ADGRL2: variants seen among roughly 807,000 people sequenced by gnomAD.
ADGRL2 encodes adhesion G protein-coupled receptor L2.
A neutral mutation model predicts 157.4 loss-of-function variants in ADGRL2; 44 were observed. The ratio of observed to expected loss-of-function variants is 0.28; its 90% CI spans 0.22 to 0.36. ADGRL2 has a LOEUF of 0.36. Ranked by LOEUF, ADGRL2 falls within the 10% of genes least tolerant of loss-of-function variation. The pLI, the probability that ADGRL2 is intolerant of heterozygous loss-of-function variation, is 1.00. For synonymous variants in ADGRL2, 585 were observed against 624.7 expected (o/e 0.94, Z 0.95); for missense variants, 1,510 against 1,768.9 (o/e 0.85, Z 2.63).
intron 1 of ADGRL2, among the ~76,000 whole-genome samples, chr1:81,375,086 C>T (rs1250890561): frequency 2.0e-5 from 3 of 152,136 alleles, no homozygotes; most frequent in African/African-American, 7.2e-5. Flanking sequence ...AGTTTTCTGG[C>T]CCACAGAAAT....
chr1:81,370,695 C>T (rs2076147366), intron 1 of ADGRL2, among the ~76,000 whole-genome samples: 1 of 152,092 alleles, frequency 6.6e-6, no homozygotes, highest in African/African-American at 2.4e-5. Flanking sequence ...CAGAGTACTT[C>T]AGAAATTTTG....
chr1:81,798,056 G>A (rs959227820), upstream of ADGRL2, among the ~76,000 whole-genome samples: 4 of 152,138 alleles, frequency 2.6e-5, no homozygotes, highest in African/African-American at 9.7e-5. Context: ...TATAGATTGA[G>A]TAATTAAATT....
rs1290659850 is a variant in ADGRL2 at position 81,956,018 on chromosome 1, C to G, written c.1975C>G (p.Leu659Val). 2 of 1,610,478 alleles carry G rather than the reference C, an allele frequency of 1.2e-6. No individual in the cohort carries two copies. Among genetic ancestry groups the G allele is most frequent in the Non-Finnish European group, 1.7e-6 (2 of 1,178,540 alleles). ...EEGAFVLADNLLEPTRVSMPT... is the reference protein window; with the variant it reads ...EEGAFVLADNVLEPTRVSMPT... ...AGGAGCTTTTGTCCTAGCTGACAAT[C>G]TTTTAGAACCAACAAGGGTCTCAAT... The change falls in exon 11 of 24, where the codon CTT (leucine) becomes GTT (valine). Residue 659 changes from leucine (L) to valine (V), a missense_variant. Physicochemically the swap from Leu to Val is conservative, Grantham distance 32. Transcript: ENST00000686636.
At chr1:81,854,507 T>C (rs2093133433) in intron 2 of ADGRL2, among the ~76,000 whole-genome samples, 1 of 152,206 alleles carries the variant, frequency 6.6e-6, no homozygotes, top group African/African-American at 2.4e-5. Context: ...TCTTGCTTAT[T>C]ATAAAATTGG....
chr1:81,850,778 C>T (rs1418530074), intron 2 of ADGRL2, among the ~76,000 whole-genome samples: 1 of 151,832 alleles, frequency 6.6e-6, no homozygotes, highest in Non-Finnish European at 1.5e-5. Context: ...TTTTATTGGT[C>T]AGAGCAATTT....
intron 1 of ADGRL2, among the ~76,000 whole-genome samples, chr1:81,437,545 C>T (rs1355640702): frequency 6.6e-6 from 1 of 152,176 alleles, no homozygotes; most frequent in Admixed American, 6.5e-5. Flanking sequence ...AGTCATTCAT[C>T]CTGTTGGATG....
intron 1 of ADGRL2, among the ~76,000 whole-genome samples, chr1:81,397,477 G>A (rs531644514): frequency 4.0e-5 from 6 of 151,670 alleles, no homozygotes; most frequent in East Asian, 2.0e-4. Flanking sequence ...CCGCCACCAC[G>A]CCAGACTAAT....
At chr1:81,788,555 G>A (rs2087170141) in intron 2 of ADGRL2, among the ~76,000 whole-genome samples, 2 of 152,148 alleles carry the variant, frequency 1.3e-5, no homozygotes, top group South Asian at 4.1e-4. Context: ...TTTTCCCTAT[G>A]AATTACCTAG....
At chr1:81,337,395 G>A (rs1329849523) in intron 1 of ADGRL2, among the ~76,000 whole-genome samples, 3 of 152,136 alleles carry the variant, frequency 2.0e-5, no homozygotes, top group South Asian at 4.1e-4. Flanking sequence ...TCCTGCTGGT[G>A]CCCCGAAGCG....
chr1:81,372,881 G>A (rs1477462244), intron 1 of ADGRL2, among the ~76,000 whole-genome samples: 9 of 152,172 alleles, frequency 5.9e-5, no homozygotes, highest in Admixed American at 5.9e-4. Flanking sequence ...CAACAGCTTA[G>A]TATAGAACTG....
intron 3 of ADGRL2, among the ~76,000 whole-genome samples, chr1:81,611,954 G>T (rs1156686125): frequency 6.6e-6 from 1 of 151,992 alleles, no homozygotes; most frequent in Non-Finnish European, 1.5e-5. Flanking sequence ...TCTCTCTCTT[G>T]TCTGCTGCCA....
intron 3 of ADGRL2, among the ~76,000 whole-genome samples, chr1:81,908,953 C>T (rs1483452715): frequency 2.0e-5 from 3 of 151,110 alleles, no homozygotes; most frequent in Non-Finnish European, 4.4e-5. Context: ...CTGCTCACTG[C>T]AGTCTTTGTC....
At chr1:81,591,828 C>A (rs1472908069) in intron 3 of ADGRL2, among the ~76,000 whole-genome samples, 2 of 152,128 alleles carry the variant, frequency 1.3e-5, no homozygotes, top group Non-Finnish European at 2.9e-5. Context: ...GGAGCTGAAT[C>A]CTGTCAACAA....
At chr1:81,829,908 G>T (rs1378115048) in intron 1 of ADGRL2, among the ~76,000 whole-genome samples, 2 of 152,110 alleles carry the variant, frequency 1.3e-5, no homozygotes, top group Non-Finnish European at 2.9e-5. Context: ...GTTGAGCCAC[G>T]ATTCTATAGT....
chr1:81,898,719 A>G lies in ADGRL2; in HGVS notation c.74-8298A>G, dbSNP rs1055359905. Reference sequence around the variant, plus strand: ...AAAGTTGGACTATCAGTGACAACTTATCTTTTAGGTTTACTTTTAACACTA... The same window carrying G: ...AAAGTTGGACTATCAGTGACAACTTGTCTTTTAGGTTTACTTTTAACACTA... On this transcript the variant is annotated intron_variant, in intron 2 of 23. Coordinates refer to ENST00000686636, the MANE Select transcript of ADGRL2 (RefSeq NM_001366006.2). Among the ~76,000 whole-genome samples, 7 of 152,188 alleles carry G rather than the reference A, an allele frequency of 4.6e-5. No homozygotes were observed. In the South Asian group the frequency reaches 6.2e-4, roughly 13 times the overall value.
intron 1 of ADGRL2, among the ~76,000 whole-genome samples, chr1:81,363,752 G>C (rs2076018316): frequency 6.6e-6 from 1 of 152,058 alleles, no homozygotes; most frequent in South Asian, 2.1e-4. Flanking sequence ...TTTCTTAGTT[G>C]CCAAGTTAAA....
Position 81,344,304 on chromosome 1 carries a change from GCAAATGTTACAAATCA to G in ADGRL2, c.-302+37796_-302+37811del, listed in dbSNP as rs1662305161. Among the ~76,000 whole-genome samples the G allele has an allele frequency of 2.0e-5, 3 of 152,208 alleles. 1 individual carries two copies. Among genetic ancestry groups the G allele is most frequent in the African/African-American group, 7.2e-5 (3 of 41,556 alleles). On this transcript the variant is annotated intron_variant, in intron 1 of 24. Transcript: ENST00000370721. ...CTGTGAGTATTTATAAACAGAAATG[GCAAATGTTACAAATCA>G]GGTTTAATTTATTGTTTTGTTAATT... is the stretch of plus-strand genomic sequence containing the variant.
chr1:81,930,515 A>G (rs1045183019), intron 3 of ADGRL2, among the ~76,000 whole-genome samples: 1 of 152,170 alleles, frequency 6.6e-6, no homozygotes, highest in Non-Finnish European at 1.5e-5. Context: ...TACTGTTTGT[A>G]ATACTTTCAC....
chr1:81,477,611 G>A (rs2101899010), intron 2 of ADGRL2, among the ~76,000 whole-genome samples: 1 of 152,280 alleles, frequency 6.6e-6, no homozygotes, highest in Admixed American at 6.5e-5. Flanking sequence ...TGGCACTCCT[G>A]CAGTTTGTAG....
Sources: gnomAD v4.1 joint callset for allele counts (sites outside exome capture counted in the v4.1 genomes callset) on GRCh38, gnomAD v4.1.1 for gene constraint, MANE v1.5 for transcripts, NCBI Gene and HGNC (gene_info 2026-07-23, HGNC 2026-07-21) for gene names.